MGRN1: variants seen among roughly 807,000 people sequenced by gnomAD.
MGRN1 encodes the protein mahogunin ring finger 1, also known as E3 ubiquitin-protein ligase MGRN1.
A neutral mutation model predicts 69.2 loss-of-function variants in MGRN1; 29 were observed. The observed-to-expected ratio is 0.42, with a 90% CI of 0.31 to 0.57. The LOEUF (loss-of-function observed/expected upper bound fraction) is 0.57. MGRN1 is among the 20% of genes least tolerant of loss of function. The pLI is 0.15. For synonymous variants in MGRN1, 470 were observed against 344.2 expected (o/e 1.37, Z -4.04); for missense variants, 998 against 796.2 (o/e 1.25, Z -3.05).
chr16:4,664,454 A>G lies in MGRN1; in HGVS notation c.562-255A>G, dbSNP rs1338157079. 7.3e-6 allele frequency: 4 copies of G among 549,072 alleles called. No individual in the cohort carries two copies. In the African/African-American group the frequency reaches 7.6e-5, roughly 10 times the overall value. The allele number at this position is 549,072 out of a possible 1,614,324, so 34.0% of individuals were successfully genotyped here. The stretch of plus-strand genomic sequence containing the variant: ...AAATGGATGGTGGCGGTTGCATGAC[A>G]TTATAGATGTACTTTACTCAACGCT... On this transcript the variant is annotated intron_variant, in intron 5 of 16. Transcript: ENST00000262370.
chr16:4,681,745 AAGGGCAGGCCGC>A lies in MGRN1; in HGVS notation c.1330_1341del (p.Gly444_Gln447del). The A allele has an allele frequency of 6.2e-7, 1 of 1,612,708 alleles. No homozygotes were observed. Among genetic ancestry groups the A allele is most frequent in the Non-Finnish European group, 8.5e-7 (1 of 1,179,756 alleles). On this transcript the variant is annotated inframe_deletion, in exon 13 of 17. Transcript: ENST00000262370. Reference sequence around the variant, plus strand: ...CCACATCCTGGACAGCAGCCGCCAGAAGGGCAGGCCGCAGAGCAAGGCCCCCGACAGGTGAGC... The same window carrying A: ...CCACATCCTGGACAGCAGCCGCCAGAAGAGCAAGGCCCCCGACAGGTGAGC...
At chr16:4,668,105 G>A (rs929250671) in intron 7 of MGRN1, among the ~76,000 whole-genome samples, 160 bp from the exon 8 acceptor site, 6 of 151,626 alleles carry the variant, frequency 4.0e-5, no homozygotes, top group Admixed American at 2.6e-4. Flanking sequence ...CGGCTCTTTC[G>A]CTGTCAAGTG....
intron 1 of MGRN1, among the ~76,000 whole-genome samples, chr16:4,643,620 C>A (rs2078210283): frequency 6.6e-6 from 1 of 152,070 alleles, no homozygotes; most frequent in Admixed American, 6.6e-5. Context: ...GATCCACCTG[C>A]CTTGGCCTCC....
At chr16:4,673,338 G>T (rs947723743) in intron 9 of MGRN1, among the ~76,000 whole-genome samples, 160 bp from the exon 10 acceptor site, 3 of 152,092 alleles carry the variant, frequency 2.0e-5, no homozygotes, top group African/African-American at 7.2e-5. Context: ...TGAGCCTGGT[G>T]ATTCTGCTCT....
At chr16:4,671,044 G>A (rs1189919461) in intron 8 of MGRN1, among the ~76,000 whole-genome samples, 4 of 152,220 alleles carry the variant, frequency 2.6e-5, no homozygotes, top group Non-Finnish European at 1.5e-5. Context: ...GCTGTCTGGT[G>A]CCTTCAGGCG....
At position 4,688,970 on chromosome 16, in the gene MGRN1, C is replaced by A; in HGVS notation, c.*62C>A. ...CCCCAGACTTTGCCGAGGGGCTGCTCCGGACCCCGTTGTGAGCCGGCCTCC... is the reference window on the plus strand; with the variant it reads ...CCCCAGACTTTGCCGAGGGGCTGCTACGGACCCCGTTGTGAGCCGGCCTCC... On this transcript the variant is annotated 3_prime_UTR_variant, in exon 17 of 17. Coordinates refer to ENST00000262370, the MANE Select transcript of MGRN1 (RefSeq NM_015246.4). The A allele has an allele frequency of 6.8e-7, 1 of 1,481,306 alleles. No homozygotes were observed. 91.8% of individuals were successfully genotyped at this position (1,481,306 alleles called of 1,614,324 possible). A position where few individuals can be genotyped will look rare whatever the true frequency, so the allele number is the denominator to read the frequency against.
intron 3 of MGRN1, 71 bp downstream of exon 3, chr16:4,652,122 A>C: frequency 6.7e-7 from 1 of 1,482,542 alleles, no homozygotes; most frequent in Non-Finnish European, 9.3e-7. Context: ...TTCTGGCTTG[A>C]TGCTTGAGGA....
rs769025954 is a variant in MGRN1, at chr16:4,688,887, C to T, written c.1710C>T (p.Ala570=). The T allele has an allele frequency of 9.2e-5, 142 of 1,550,974 alleles. 1 individual carries two copies. The highest frequency in any genetic ancestry group is 8.6e-4 in the African/African-American group (63 of 73,228). The change falls in exon 17 of 17, where the codon GCC becomes GCT. Residue 570 remains alanine (A), a synonymous_variant. Coordinates refer to ENST00000262370, the MANE Select transcript of MGRN1 (RefSeq NM_015246.4). ...GTGGCCCCAGCCCCGATCCCAGCGC[C>T]GCCGAGCTGACCCCACTCTGAGAGC... ...PLGGPSPDPS[A]AELTPL
chr16:4,685,388 C>G (rs553115720), intron 16 of MGRN1, among the ~76,000 whole-genome samples: 1 of 152,336 alleles, frequency 6.6e-6, no homozygotes, highest in East Asian at 1.9e-4. Context: ...GCCAGGACTC[C>G]GAGTCTCATG....
intron 8 of MGRN1, among the ~76,000 whole-genome samples, chr16:4,668,813 GAC>G (rs1183400988): frequency 6.6e-5 from 10 of 151,042 alleles, no homozygotes; most frequent in Non-Finnish European, 8.9e-5. Context: ...CACGTATACA[GAC>G]ACACACTCAT....
chr16:4,652,203 C>G, intron 3 of MGRN1, 152 bp downstream of exon 3: 1 of 715,650 alleles, frequency 1.4e-6, no homozygotes, highest in South Asian at 1.8e-5. Flanking sequence ...CTGGGCTGAG[C>G]GAGGGAAAGG....
At chr16:4,668,402 C>A in intron 8 of MGRN1, 90 bp downstream of exon 8, 1 of 1,345,674 alleles carries the variant, frequency 7.4e-7, no homozygotes, top group Non-Finnish European at 1.1e-6. Flanking sequence ...GACACACACT[C>A]ATACACACGC....
At chr16:4,648,661 CG>C (rs1185381606) in intron 1 of MGRN1, among the ~76,000 whole-genome samples, 3 of 108,828 alleles carry the variant, frequency 2.8e-5, no homozygotes, top group Non-Finnish European at 5.4e-5. Context: ...CTCCTCCTCC[CG>C]GGGACTCTTC....
chr16:4,680,434 G>A (rs1427529566), intron 12 of MGRN1: 29 of 292,464 alleles, frequency 9.9e-5, no homozygotes, highest in South Asian at 4.7e-4. Flanking sequence ...TTGCAATCGC[G>A]CCCCGCGCAT....
In MGRN1 at chr16:4,680,835, C is replaced by T. The variant is rs183660002; in HGVS notation, c.1132-715C>T. Reference sequence around the variant, plus strand: ...ACCTCCCCGTGGTCTCCAGGCATCCCGCACCCATCTCACTTTCCCCTTCCT... The same window carrying T: ...ACCTCCCCGTGGTCTCCAGGCATCCTGCACCCATCTCACTTTCCCCTTCCT... On this transcript the variant is annotated intron_variant, in intron 12 of 16. Coordinates refer to ENST00000262370, the MANE Select transcript of MGRN1 (RefSeq NM_015246.4). Among the ~76,000 whole-genome samples the T allele has an allele frequency of 8.5e-5, 13 of 152,306 alleles. No homozygotes were observed. The East Asian group carries it at 1.4e-3, about 16-fold the overall frequency.
intron 4 of MGRN1, among the ~76,000 whole-genome samples, chr16:4,655,436 G>T (rs1250427347): frequency 6.6e-6 from 1 of 152,132 alleles, no homozygotes; most frequent in Non-Finnish European, 1.5e-5. Context: ...CTGGCACAAG[G>T]CCAGCTTCCC....
Position 4,681,554 on chromosome 16 carries a change from C to G in MGRN1, c.1136C>G (p.Ser379Cys), listed in dbSNP as rs1334459450. Residue 379 changes from serine to cysteine, a missense_variant, in exon 13 of 17, where the codon TCT becomes TGT. Physicochemically the swap from Ser to Cys is moderately radical, Grantham distance 112. Coordinates refer to ENST00000262370, the MANE Select transcript of MGRN1 (RefSeq NM_015246.4). ...TCACGCACCCTGTCCCTACAGAACT[C>G]TGACAGCGTCCCACCTGGCTACGAG... ...ASKKPKRETNSDSVPPGYEPI... is the reference protein window; with the variant it reads ...ASKKPKRETNCDSVPPGYEPI... The G allele has an allele frequency of 1.9e-6, 3 of 1,612,338 alleles. No homozygotes were observed. The highest frequency in any genetic ancestry group is 1.1e-5 in the South Asian group (1 of 90,920).
At chr16:4,664,928 G>C (rs1019795620) in intron 6 of MGRN1, among the ~76,000 whole-genome samples, 153 bp downstream of exon 6, 1 of 152,200 alleles carries the variant, frequency 6.6e-6, no homozygotes, top group East Asian at 1.9e-4. Context: ...TGGAGTCCCG[G>C]GCAGGTGAGG....
intron 15 of MGRN1, 55 bp downstream of exon 15, chr16:4,683,324 C>G (rs1453678623): frequency 6.9e-6 from 11 of 1,597,120 alleles, no homozygotes; most frequent in Non-Finnish European, 9.4e-6. Context: ...GCAGCCCTGG[C>G]TTACTGGGGC....
Sources: gnomAD v4.1 joint callset for allele counts (sites outside exome capture counted in the v4.1 genomes callset) on GRCh38, gnomAD v4.1.1 for gene constraint, MANE v1.5 for transcripts, NCBI Gene and HGNC (gene_info 2026-07-23, HGNC 2026-07-21) for gene names.